Variants in LONP1 observed in about 807,000 individuals in gnomAD.
The protein encoded by LONP1 is lon protease homolog, mitochondrial.
In LONP1, 31 loss-of-function variants were observed where a neutral mutation model predicts 98.5. The observed-to-expected ratio is 0.31, with a 90% CI of 0.24 to 0.42. LONP1 has a LOEUF of 0.42. Among genes scored for constraint, LONP1 ranks in the 20% least tolerant of loss-of-function variants. LONP1 has a pLI of 1.00. For synonymous variants in LONP1, 781 were observed against 594.7 expected (o/e 1.31, Z -4.56); for missense variants, 1,336 against 1,350.6 (o/e 0.99, Z 0.17).
chr19:5,693,645 G>A lies in LONP1; in HGVS notation c.2445C>T (p.Arg815=), dbSNP rs756024043. The A allele has an allele frequency of 6.2e-7, 1 of 1,614,122 alleles. No individual in the cohort carries two copies. The highest frequency in any genetic ancestry group is 8.5e-7 in the Non-Finnish European group (1 of 1,179,998). Residue 815 remains arginine, a synonymous_variant, in exon 16 of 18, where the codon CGC becomes CGT. Coordinates refer to ENST00000360614, the MANE Select transcript of LONP1 (RefSeq NM_004793.4). ...AGGCTCTGGCGAAGGTGTAGGCTAT[G>A]CGGGCGCTCTCCTTCATCACCTCCC... ...QLGEVMKESA[R]IAYTFARAFL... is the part of the protein sequence containing the mutation.
chr19:5,697,661 C>G (rs866418763), intron 10 of LONP1, among the ~76,000 whole-genome samples: 9 of 150,226 alleles, frequency 6.0e-5, no homozygotes, highest in East Asian at 1.9e-4. Context: ...GGGCTTTGAC[C>G]GAGGAACGTG....
intron 1 of LONP1, 115 bp downstream of exon 1, chr19:5,719,589 A>G (rs2055392340): frequency 1.3e-6 from 2 of 1,551,052 alleles, no homozygotes; most frequent in South Asian, 1.2e-5. Context: ...GCACCCTTCG[A>G]GAAACTTCAT....
chr19:5,719,235 C>G (rs1207056474), intron 1 of LONP1, among the ~76,000 whole-genome samples: 1 of 152,122 alleles, frequency 6.6e-6, no homozygotes, highest in African/African-American at 2.4e-5. Context: ...ACTGCCATAT[C>G]CCCAGAACCT....
chr19:5,699,072 A>T lies in LONP1; in HGVS notation c.1640T>A (p.Phe547Tyr). ...CACGTCAGTCATGCCCCCGACGCTG[A>T]AGCGGAAGTACTCTCGGTTCAGGGC... ...ARALNREYFRFSVGGMTDVAE... is the reference protein window; with the variant it reads ...ARALNREYFRYSVGGMTDVAE... The change falls in exon 10 of 18, where the codon TTC becomes TAC. Residue 547 changes from phenylalanine (F) to tyrosine (Y), a missense_variant. Coordinates refer to ENST00000360614, the MANE Select transcript of LONP1 (RefSeq NM_004793.4). 13 of 1,609,064 alleles carry T rather than the reference A, an allele frequency of 8.1e-6. No individual in the cohort carries two copies. Among genetic ancestry groups the T allele is most frequent in the Non-Finnish European group, 1.0e-5 (12 of 1,177,306 alleles).
At chr19:5,708,460 CTGGGTGG>C in intron 4 of LONP1, 57 bp from the exon 5 acceptor site, 6 of 459,964 alleles carry the variant, frequency 1.3e-5, no homozygotes, top group Non-Finnish European at 2.2e-5. Context: ...AGGGGGTGGG[CTGGGTGG>C]GAGCATGGCC....
At chr19:5,705,275 G>A (rs1296343613) in intron 8 of LONP1, among the ~76,000 whole-genome samples, 1 of 151,894 alleles carries the variant, frequency 6.6e-6, no homozygotes, top group African/African-American at 2.4e-5. Flanking sequence ...TGAACAACAT[G>A]GTGAAACCCC....
At chr19:5,708,515 C>G in intron 4 of LONP1, 112 bp from the exon 5 acceptor site, 1 of 812,772 alleles carries the variant, frequency 1.2e-6, no homozygotes, top group East Asian at 2.6e-5. Context: ...AACTCCCTCC[C>G]CTCCGCCAAC....
At chr19:5,698,220 G>A (rs2054977589) in intron 10 of LONP1, among the ~76,000 whole-genome samples, 2 of 152,286 alleles carry the variant, frequency 1.3e-5, no homozygotes, top group Non-Finnish European at 2.9e-5. Flanking sequence ...CTTGCAGCGG[G>A]CGGGCAGATG....
At position 5,691,995 on chromosome 19, in the gene LONP1, G is replaced by C. The variant is rs772840297; in HGVS notation, c.*37C>G. The C allele has an allele frequency of 1.3e-6, 2 of 1,592,042 alleles. No homozygotes were observed. The highest frequency in any genetic ancestry group is 2.7e-5 in the African/African-American group (2 of 74,610). ...CAGCGCTCAGTTCTGGCCCAGACAG[G>C]GCCTGACATCCGCCGCCTGCAGTCC... On this transcript the variant is annotated 3_prime_UTR_variant, in exon 18 of 18. Coordinates refer to ENST00000360614, the MANE Select transcript of LONP1 (RefSeq NM_004793.4).
rs773428923 is a variant in LONP1 at position 5,705,817 on chromosome 19, T to C, written c.1322A>G (p.Glu441Gly). The part of the protein sequence containing the change: ...PKHVMDVVDE[E>G]LSKLGLLDNH... ...GTCCAGCAGGCCCAGCTTGCTCAGC[T>C]CCTCGTCCACAACATCCATGACGTG... The change falls in exon 8 of 18, where the codon GAG becomes GGG. Residue 441 changes from glutamate (E) to glycine (G), a missense_variant. Coordinates refer to ENST00000360614, the MANE Select transcript of LONP1 (RefSeq NM_004793.4). 6.2e-7 allele frequency: 1 copy of C among 1,614,128 alleles called. No individual in the cohort carries two copies. The highest frequency in any genetic ancestry group is 8.5e-7 in the Non-Finnish European group (1 of 1,180,050).
intron 4 of LONP1, among the ~76,000 whole-genome samples, chr19:5,711,125 C>T (rs1338197225): frequency 5.3e-5 from 8 of 152,186 alleles, no homozygotes; most frequent in Middle Eastern, 3.2e-3. Context: ...GGACTTTCCA[C>T]CCCTGCCAGC....
chr19:5,701,028 G>T, intron 8 of LONP1, 101 bp from the exon 9 acceptor site: 1 of 1,364,972 alleles, frequency 7.3e-7, no homozygotes, highest in Non-Finnish European at 1.0e-6. Context: ...AAACCCATGT[G>T]TGGGGCTGAG....
chr19:5,697,689 G>A (rs1345656530), intron 10 of LONP1, among the ~76,000 whole-genome samples: 1 of 151,750 alleles, frequency 6.6e-6, no homozygotes, highest in African/African-American at 2.4e-5. Flanking sequence ...TGGAGAGCTG[G>A]GGGCAAAGGA....
At chr19:5,707,366 G>C (rs184495583) in intron 6 of LONP1, among the ~76,000 whole-genome samples, 13 of 152,200 alleles carry the variant, frequency 8.5e-5, no homozygotes, top group Non-Finnish European at 1.9e-4. Context: ...ATGGGGACGC[G>C]CTCAGGAGTG....
intron 8 of LONP1, 97 bp downstream of exon 8, chr19:5,705,675 G>T: frequency 9.6e-7 from 1 of 1,037,640 alleles, no homozygotes; most frequent in Non-Finnish European, 1.4e-6. Context: ...CACCAAGAAG[G>T]TGCCACGGGG....
chr19:5,700,791 G>C lies in LONP1; in HGVS notation c.1504C>G (p.Leu502Val), dbSNP rs750418547. ...YGMEDVKKRI[L>V]EFIAVSQLRG... ...AACAGGCCAGACACTGGGCTCACCA[G>C]GATGCGTTTCTTGACGTCCTCCATG... Residue 502 changes from leucine (L) to valine (V), a missense_variant and splice_region_variant, in exon 9 of 18, where the codon CTG becomes GTG. Leu to Val is a conservative substitution (Grantham distance 32, BLOSUM62 1). Around this residue, in one of 5 missense-constraint regions of LONP1, gnomAD observed 219 missense variants for 241.0 expected, o/e 0.91. Coordinates refer to ENST00000360614, the MANE Select transcript of LONP1 (RefSeq NM_004793.4). The C allele has an allele frequency of 6.2e-7, 1 of 1,614,092 alleles. No individual in the cohort carries two copies. Among genetic ancestry groups the C allele is most frequent in the Non-Finnish European group, 8.5e-7 (1 of 1,179,996 alleles).
intron 1 of LONP1, 30 bp downstream of exon 1, chr19:5,719,674 A>C (rs1024381405): frequency 1.2e-6 from 2 of 1,613,388 alleles, no homozygotes; most frequent in African/African-American, 2.7e-5. Context: ...CAGGTGGGAA[A>C]CCTGAGGCCG....
At chr19:5,698,877 G>A (rs2054991275) in intron 10 of LONP1, 150 bp downstream of exon 10, 6 of 818,994 alleles carry the variant, frequency 7.3e-6, no homozygotes, top group Non-Finnish European at 7.1e-6. Context: ...TCCGCCACAT[G>A]GCTGGACTTT....
At chr19:5,716,065 C>T (rs2055313145) in intron 1 of LONP1, among the ~76,000 whole-genome samples, 1 of 151,248 alleles carries the variant, frequency 6.6e-6, no homozygotes, top group South Asian at 2.1e-4. Context: ...TGGACAGACC[C>T]TGATTAAAGG....
Sources: allele counts gnomAD v4.1 joint callset (sites outside exome capture counted in the v4.1 genomes callset), GRCh38; gene constraint gnomAD v4.1.1; regional missense constraint gnomAD v4.1.1; transcripts MANE v1.5; gene names NCBI Gene and HGNC (gene_info 2026-07-23, HGNC 2026-07-21).